The following IPO11 variants were observed in gnomAD, a reference collection of about 807,000 sequenced individuals.
IPO11 encodes the protein importin 11.
Under a neutral mutation model 143.2 loss-of-function variants are expected in IPO11, and 66 were observed. The observed-to-expected ratio is 0.46, with a 90% CI of 0.38 to 0.57. The LOEUF (loss-of-function observed/expected upper bound fraction) is 0.57, where lower values mean the gene tolerates loss of function less well. Among genes scored for constraint, IPO11 ranks in the 20% least tolerant of loss-of-function variants. IPO11 has a pLI of 0.00. For missense variants in IPO11, 1,026 were observed against 1,141.0 expected (o/e 0.90, Z 1.45); for synonymous variants, 385 against 377.8 (o/e 1.02, Z -0.22).
rs770605911 is a variant in IPO11, at chr5:62,598,565, T to TCG, written c.2679-3199_2679-3198insCG. ...CTTTCTTTTCTTTCTTTTTTTTTTT[T>TCG]ATGGAGTCTTGCCCTGTTGCCCAGC... On this transcript the variant is annotated intron_variant, in intron 28 of 29. Transcript: ENST00000325324. Among the ~76,000 whole-genome samples the TCG allele has an allele frequency of 1.2e-4, 5 of 40,934 alleles. 1 individual carries two copies. The highest frequency in any genetic ancestry group is 5.9e-4 in the African/African-American group (5 of 8,454). The allele number at this position is 40,934 out of a possible 152,430, so 26.9% of individuals were successfully genotyped here.
chr5:62,446,308 CAT>C (rs752936559), intron 3 of IPO11, among the ~76,000 whole-genome samples: 14 of 152,170 alleles, frequency 9.2e-5, no homozygotes, highest in South Asian at 2.1e-4. Flanking sequence ...CTTTTACACA[CAT>C]GTGCATTTTA....
chr5:62,456,780 C>T (rs563103841), intron 5 of IPO11, among the ~76,000 whole-genome samples: 2 of 152,140 alleles, frequency 1.3e-5, no homozygotes, highest in East Asian at 3.9e-4. Flanking sequence ...ACGCAACCCC[C>T]CTATTTAGTA....
chr5:62,614,577 A>G (rs1244532816), intron 29 of IPO11, among the ~76,000 whole-genome samples: 1 of 152,188 alleles, frequency 6.6e-6, no homozygotes, highest in Non-Finnish European at 1.5e-5. Flanking sequence ...CTCATCCACA[A>G]GTGCTCAAGC....
chr5:62,533,964 A>AAAAAAAG (rs56277060), intron 22 of IPO11, among the ~76,000 whole-genome samples: 6 of 148,658 alleles, frequency 4.0e-5, no homozygotes, highest in Non-Finnish European at 7.4e-5. Context: ...AAAAAAAAAA[A>AAAAAAAG]AAAGAAAGCC....
intron 29 of IPO11, among the ~76,000 whole-genome samples, chr5:62,612,273 T>C (rs1249045974): frequency 6.6e-6 from 1 of 152,112 alleles, no homozygotes; most frequent in Non-Finnish European, 1.5e-5. Flanking sequence ...ATTCAGAGAG[T>C]AAGACAGGCC....
intron 1 of IPO11, among the ~76,000 whole-genome samples, chr5:62,425,784 G>C (rs1743716309): frequency 6.6e-6 from 1 of 152,204 alleles, no homozygotes; most frequent in Non-Finnish European, 1.5e-5. Context: ...TGTGATACAA[G>C]TGTACACAAT....
chr5:62,420,669 T>G (rs1464632381), intron 1 of IPO11, among the ~76,000 whole-genome samples: 3 of 151,196 alleles, frequency 2.0e-5, no homozygotes, highest in African/African-American at 7.3e-5. Context: ...AGCCTTGACC[T>G]CCTGGGCTCA....
intron 16 of IPO11, among the ~76,000 whole-genome samples, chr5:62,496,287 A>G (rs1741151263): frequency 6.6e-6 from 1 of 150,430 alleles, no homozygotes; most frequent in Non-Finnish European, 1.5e-5. Flanking sequence ...CTGTGTCTCA[A>G]AAAAAAAAAG....
chr5:62,536,500 C>T (rs1033804529), intron 22 of IPO11, among the ~76,000 whole-genome samples: 6 of 151,938 alleles, frequency 3.9e-5, no homozygotes, highest in South Asian at 4.1e-4. Flanking sequence ...AGTGCAGTGG[C>T]GTGATCATTG....
At chr5:62,525,143 C>T (rs1267355425) in intron 20 of IPO11, among the ~76,000 whole-genome samples, 2 of 152,038 alleles carry the variant, frequency 1.3e-5, no homozygotes, top group Non-Finnish European at 2.9e-5. Flanking sequence ...ACACCTTTGC[C>T]CTCATCCCAA....
In IPO11 at chr5:62,506,303, A is replaced by C; in HGVS notation, c.1728A>C (p.Thr576=). 6.2e-7 allele frequency: 1 copy of C among 1,612,200 alleles called. No individual in the cohort carries two copies. The highest frequency in any genetic ancestry group is 1.3e-5 in the African/African-American group (1 of 75,016). Residue 576 remains threonine, a synonymous_variant, in exon 19 of 30, where the codon ACA becomes ACC. Transcript: ENST00000325324. ...QLLQQVTECD[T]KMHVLHVLSC... is the part of the protein sequence containing the mutation. ...TGCAGCAAGTTACAGAATGTGACAC[A>C]AAGATGCATGTTTTGCATGTCCTTT... is the stretch of plus-strand genomic sequence containing the variant.
chr5:62,417,224 C>A (rs1044477889), intron 1 of IPO11, among the ~76,000 whole-genome samples: 11 of 150,522 alleles, frequency 7.3e-5, no homozygotes, highest in Admixed American at 1.3e-4. Context: ...TCATGAGTAG[C>A]TGGTACTACT....
intron 3 of IPO11, among the ~76,000 whole-genome samples, chr5:62,445,566 A>T (rs1328761242): frequency 2.0e-5 from 3 of 152,120 alleles, no homozygotes; most frequent in Non-Finnish European, 4.4e-5. Context: ...TCAAGTGCCC[A>T]TACAACCATT....
chr5:62,591,288 T>A (rs1472181099), intron 27 of IPO11, among the ~76,000 whole-genome samples: 1 of 152,212 alleles, frequency 6.6e-6, no homozygotes, highest in African/African-American at 2.4e-5. Context: ...TCTTTATCTT[T>A]GTAGTTATAT....
intron 27 of IPO11, among the ~76,000 whole-genome samples, chr5:62,582,447 TAATG>T (rs1312878579): frequency 4.6e-5 from 7 of 152,160 alleles, no homozygotes. Context: ...TGGGGCAAAA[TAATG>T]AGTCAGTTTT....
At position 62,617,329 on chromosome 5, in the gene IPO11, C is replaced by G. The variant is rs1028099515; in HGVS notation, c.2764-9825C>G. On this transcript the variant is annotated intron_variant, in intron 29 of 29. Coordinates refer to ENST00000325324, the MANE Select transcript of IPO11 (RefSeq NM_016338.5). ...TATCTTCTTTCCATTCTCTGAATCA[C>G]CTGGTGTCCACATATAATAGGAACA... Among the ~76,000 whole-genome samples, 19 of 152,226 alleles carry G rather than the reference C, an allele frequency of 1.2e-4. No homozygotes were observed. In the South Asian group the frequency reaches 1.7e-3, roughly 13 times the overall value.
rs756152122 is a variant in IPO11 at position 62,449,923 on chromosome 5, A to G, written c.240-4A>G. 7.3e-6 allele frequency: 11 copies of G among 1,514,552 alleles called. No homozygotes were observed. The highest frequency in any genetic ancestry group is 9.8e-6 in the Non-Finnish European group (11 of 1,126,680). 93.8% of individuals were successfully genotyped at this position (1,514,552 alleles called of 1,614,324 possible). On this transcript the variant is annotated splice_region_variant and splice_polypyrimidine_tract_variant and intron_variant, in intron 3 of 29. Coordinates refer to ENST00000325324, the MANE Select transcript of IPO11 (RefSeq NM_016338.5). The stretch of plus-strand genomic sequence containing the variant: ...GCATAATCAATACTTTTTTTTTTTT[A>G]CAGTGCTCTCTCAGAGGAGGAGAAA...
intron 1 of IPO11, among the ~76,000 whole-genome samples, chr5:62,430,099 T>A (rs1743924546): frequency 1.3e-5 from 2 of 152,194 alleles, no homozygotes; most frequent in African/African-American, 4.8e-5. Context: ...TGATGGATAT[T>A]TGAGTTGTCA....
chr5:62,448,507 CT>C (rs1309397199), intron 3 of IPO11, among the ~76,000 whole-genome samples: 1 of 152,090 alleles, frequency 6.6e-6, no homozygotes, highest in Non-Finnish European at 1.5e-5. Context: ...AACATGGACC[CT>C]TGATATTCTT....
Sources: gnomAD v4.1 joint callset for allele counts (sites outside exome capture counted in the v4.1 genomes callset) on GRCh38, gnomAD v4.1.1 for gene constraint, MANE v1.5 for transcripts, NCBI Gene and HGNC (gene_info 2026-07-23, HGNC 2026-07-21) for gene names.